Variants in INPP4A observed in about 807,000 individuals in gnomAD.
The protein encoded by INPP4A is inositol polyphosphate-4-phosphatase type I A.
A neutral mutation model predicts 119.8 loss-of-function variants in INPP4A; 33 were observed. That is an observed-to-expected ratio of 0.28 (90% CI 0.21 to 0.37). The LOEUF is 0.37. Ranked by LOEUF, INPP4A falls within the 10% of genes least tolerant of loss-of-function variation. The probability of loss-of-function intolerance (pLI) is 1.00; values close to 1 mark genes in which losing one functional copy is unlikely to be tolerated. For synonymous variants in INPP4A, 496 were observed against 500.7 expected (o/e 0.99, Z 0.12); for missense variants, 956 against 1,289.9 (o/e 0.74, Z 3.97).
chr2:98,447,235 A>G (rs946613052), intron 1 of INPP4A, among the ~76,000 whole-genome samples: 1 of 152,184 alleles, frequency 6.6e-6, no homozygotes, highest in Non-Finnish European at 1.5e-5. Flanking sequence ...TCAACTACTC[A>G]TGGTGTCAGG....
rs1697044076 is a variant in INPP4A, at chr2:98,569,373, G to A, written c.2518+705G>A. ...CCCAGAGTGCCGGCCTCTCTGTGCAGGCGCTGCCACAGCCACTAGGGGGCG... is the reference window on the plus strand; with the variant it reads ...CCCAGAGTGCCGGCCTCTCTGTGCAAGCGCTGCCACAGCCACTAGGGGGCG... On this transcript the variant is annotated intron_variant, in intron 22 of 24. Coordinates refer to ENST00000409851, the MANE Select transcript of INPP4A (RefSeq NM_001134225.2). The surrounding 1 kb of genome is among the most constrained non-coding windows in gnomAD (Gnocchi z 5.1). 6.6e-6 allele frequency: 1 copy of A among 152,366 alleles called. No homozygotes were observed. Among genetic ancestry groups the A allele is most frequent in the Non-Finnish European group, 1.5e-5 (1 of 68,198 alleles). 9.4% of individuals were successfully genotyped at this position (152,366 alleles called of 1,614,324 possible). A position where few individuals can be genotyped will look rare whatever the true frequency, so the allele number is the denominator to read the frequency against.
chr2:98,533,749 T>G (rs528799712), intron 5 of INPP4A, among the ~76,000 whole-genome samples: 30 of 152,362 alleles, frequency 2.0e-4, no homozygotes, highest in African/African-American at 7.2e-4. Flanking sequence ...TCCTGTAAGC[T>G]TCATTGCCTT....
At chr2:98,519,266 A>C (rs1199857518) in intron 2 of INPP4A, 1 of 152,248 alleles carries the variant, frequency 6.6e-6, no homozygotes, top group African/African-American at 2.4e-5. Context: ...CTCGCTGCTT[A>C]ATCTAGTTCT....
At chr2:98,518,503 GC>G (rs1159468608) in intron 1 of INPP4A, among the ~76,000 whole-genome samples, 22 of 152,376 alleles carry the variant, frequency 1.4e-4, no homozygotes, top group Admixed American at 3.9e-4. Flanking sequence ...CCCAGCAGCA[GC>G]AGCATTGTGG....
chr2:98,572,843 C>T lies in INPP4A; in HGVS notation c.2547C>T (p.Cys849=). ...DCLPRSRSQT[C]LPELLRFLGQ... ...TGCCTCGGTCTCGCAGTCAGACGTG[C>T]CTGCCAGAGCTGCTGCGGTTTCTGG... The change falls in exon 23 of 25, where the codon TGC becomes TGT. Residue 849 remains cysteine, a synonymous_variant. Transcript: ENST00000409851. The T allele has an allele frequency of 6.4e-7, 1 of 1,570,002 alleles. No individual in the cohort carries two copies. The highest frequency in any genetic ancestry group is 2.4e-5 in the East Asian group (1 of 42,202).
chr2:98,552,626 A>G (rs756630343), intron 13 of INPP4A, 160 bp from the exon 14 acceptor site: 2 of 748,968 alleles, frequency 2.7e-6, no homozygotes, highest in East Asian at 4.9e-5. Flanking sequence ...AGAATCTCCT[A>G]AGATATACTT....
intron 1 of INPP4A, among the ~76,000 whole-genome samples, chr2:98,449,458 T>C (rs1694854516): frequency 6.6e-6 from 1 of 152,234 alleles, no homozygotes; most frequent in Non-Finnish European, 1.5e-5. Flanking sequence ...ATTTGGCCAG[T>C]GGGAGTCCCT....
At chr2:98,501,889 T>C (rs771210787) in intron 1 of INPP4A, among the ~76,000 whole-genome samples, 4 of 152,248 alleles carry the variant, frequency 2.6e-5, no homozygotes, top group Non-Finnish European at 5.9e-5. Flanking sequence ...GTCTGGCCCC[T>C]GCACTGCTGA....
intron 1 of INPP4A, among the ~76,000 whole-genome samples, chr2:98,479,312 TCTC>T (rs1377618525): frequency 1.3e-5 from 2 of 152,132 alleles, no homozygotes; most frequent in Admixed American, 1.3e-4. Context: ...GGTGGGAACT[TCTC>T]CTGTGTGTGC....
At chr2:98,519,105 C>T (rs1274597622) in intron 2 of INPP4A, 80 bp downstream of exon 2, 2 of 152,230 alleles carry the variant, frequency 1.3e-5, no homozygotes, top group East Asian at 1.9e-4. Flanking sequence ...TTGAGAAGAT[C>T]AGGGCTGTCT....
rs562145958 is a variant in INPP4A at position 98,509,472 on chromosome 2, A to G, written c.-165-9492A>G. Among the ~76,000 whole-genome samples, 3 of 152,314 alleles carry G rather than the reference A, an allele frequency of 2.0e-5. No homozygotes were observed. The East Asian group carries it at 5.8e-4, about 29-fold the overall frequency. On this transcript the variant is annotated intron_variant, in intron 1 of 24. Coordinates refer to ENST00000409851, the MANE Select transcript of INPP4A (RefSeq NM_001134225.2). The stretch of plus-strand genomic sequence containing the variant: ...TTTCGTCGCGAAACCACTCCCCTTG[A>G]CCAGCCCCCCAAAATTGTCTTCCAC...
rs572679735 is a variant in INPP4A at position 98,560,123 on chromosome 2, C to T, written c.1855+628C>T. The stretch of plus-strand genomic sequence containing the variant: ...AAAATATTTACTGTCTAGCTCTTTA[C>T]AGAAAATGTGTGCTGACCCCTGATC... On this transcript the variant is annotated intron_variant, in intron 17 of 24. Coordinates refer to ENST00000409851, the MANE Select transcript of INPP4A (RefSeq NM_001134225.2). Among the ~76,000 whole-genome samples the T allele has an allele frequency of 3.2e-4, 48 of 152,306 alleles. No homozygotes were observed. The South Asian group carries it at 9.7e-3, about 31-fold the overall frequency.
At position 98,587,474 on chromosome 2, in the gene INPP4A, A is replaced by G; in HGVS notation, c.2787-2A>G. On this transcript the variant is annotated splice_acceptor_variant, in intron 24 of 24. Transcript: ENST00000409851. LOFTEE classifies it high-confidence loss of function. The stretch of plus-strand genomic sequence containing the variant: ...CATTTCTTGTGCTTGTTTTTTCCCC[A>G]GTGAGGGTTGTCGAAGAGAAAATAC... The G allele has an allele frequency of 6.4e-7, 1 of 1,574,602 alleles. No homozygotes were observed. The highest frequency in any genetic ancestry group is 8.6e-7 in the Non-Finnish European group (1 of 1,163,940).
At chr2:98,467,799 ATTAG>A (rs1356296121) in intron 1 of INPP4A, among the ~76,000 whole-genome samples, 13 of 152,322 alleles carry the variant, frequency 8.5e-5, no homozygotes, top group Middle Eastern at 6.8e-3. Flanking sequence ...ATAGTTATCT[ATTAG>A]TTATAGATAA....
At position 98,594,227 on chromosome 2, in the gene INPP4A, G is replaced by A. The variant is rs1700512117; in HGVS notation, c.*6619G>A. Reference sequence around the variant, plus strand: ...AGTGTGGTAAAGGGGCGAGTGAGAGGGTCTCTGAAAAAAGTCAGGCTAAAA... The same window carrying A: ...AGTGTGGTAAAGGGGCGAGTGAGAGAGTCTCTGAAAAAAGTCAGGCTAAAA... On this transcript the variant is annotated 3_prime_UTR_variant, in exon 25 of 25. Coordinates refer to ENST00000409851, the MANE Select transcript of INPP4A (RefSeq NM_001134225.2). The A allele has an allele frequency of 6.6e-6, 1 of 152,140 alleles. No homozygotes were observed. The highest frequency in any genetic ancestry group is 1.5e-5 in the Non-Finnish European group (1 of 68,046). 9.4% of individuals were successfully genotyped at this position (152,140 alleles called of 1,614,324 possible).
At chr2:98,506,714 G>T (rs3820943) in intron 1 of INPP4A, among the ~76,000 whole-genome samples, 9 of 152,190 alleles carry the variant, frequency 5.9e-5, no homozygotes, top group Admixed American at 5.9e-4. Context: ...TTGAAGTCCT[G>T]GGAGAACACG....
intron 4 of INPP4A, among the ~76,000 whole-genome samples, chr2:98,532,638 A>G (rs1689457944): frequency 1.3e-5 from 2 of 152,184 alleles, no homozygotes. Flanking sequence ...CTAGGCTACC[A>G]ACCTGGACAG....
intron 1 of INPP4A, among the ~76,000 whole-genome samples, chr2:98,502,227 C>A (rs545585918): frequency 2.0e-5 from 3 of 152,292 alleles, no homozygotes; most frequent in Admixed American, 6.5e-5. Context: ...AGAGGCCTGC[C>A]CACAGTGGCT....
At chr2:98,462,640 T>G (rs1673823674) in intron 1 of INPP4A, among the ~76,000 whole-genome samples, 2 of 151,312 alleles carry the variant, frequency 1.3e-5, no homozygotes. Context: ...ATCTTCCCAC[T>G]TTAGCCTCCT....
Sources: gnomAD v4.1 joint callset for allele counts (sites outside exome capture counted in the v4.1 genomes callset) on GRCh38, gnomAD v4.1.1 for gene constraint, Gnocchi (gnomAD v3.1) non-coding constraint, MANE v1.5 for transcripts, NCBI Gene and HGNC (gene_info 2026-07-23, HGNC 2026-07-21) for gene names.